ANKS3: variants seen among roughly 807,000 people sequenced by gnomAD.
ANKS3 encodes ankyrin repeat and sterile alpha motif domain containing 3.
In ANKS3, 62 loss-of-function variants were observed where a neutral mutation model predicts 80.7. That is an observed-to-expected ratio of 0.77 (90% CI 0.63 to 0.95). The LOEUF (loss-of-function observed/expected upper bound fraction) is 0.95. Among genes scored for constraint, ANKS3 ranks in the 40% least tolerant of loss-of-function variants. ANKS3 has a pLI of 0.00. For synonymous variants in ANKS3, 489 were observed against 355.3 expected, an observed-to-expected ratio of 1.38 and a Z score of -4.23; for missense variants, 1,150 against 883.6, an observed-to-expected ratio of 1.30 and a Z score of -3.82.
chr16:4,713,818 G>A (rs527504866), intron 7 of ANKS3, among the ~76,000 whole-genome samples: 2 of 152,358 alleles, frequency 1.3e-5, no homozygotes, highest in East Asian at 3.9e-4. Flanking sequence ...GCATACTACA[G>A]AAAGCCTCTA....
intron 6 of ANKS3, among the ~76,000 whole-genome samples, chr16:4,724,409 G>A (rs1402374563): frequency 1.3e-5 from 2 of 152,072 alleles, no homozygotes; most frequent in Non-Finnish European, 2.9e-5. Flanking sequence ...TGGGCATCAG[G>A]GAGGTTGAAA....
rs1039037105 is a variant in ANKS3, at chr16:4,721,914, G to A, written c.573+2836C>T. ...GCCTCTCAAAGTGCTGGGATTACAG[G>A]AGCGAGACAATGCACCTGGCCCCGT... On this transcript the variant is annotated intron_variant, in intron 6 of 17. Transcript: ENST00000304283. Among the ~76,000 whole-genome samples the A allele has an allele frequency of 7.3e-5, 11 of 151,178 alleles. 1 individual carries two copies. The highest frequency in any genetic ancestry group is 6.0e-4 in the Admixed American group (9 of 15,042).
intron 7 of ANKS3, among the ~76,000 whole-genome samples, chr16:4,713,127 C>T (rs1312028724): frequency 1.3e-5 from 2 of 151,918 alleles, no homozygotes; most frequent in Non-Finnish European, 2.9e-5. Context: ...AAAAATTAGC[C>T]GGGCATGGTG....
Position 4,718,828 on chromosome 16 carries a change from C to A in ANKS3, c.574-4642G>T, listed in dbSNP as rs527752626. 2.8e-4 allele frequency among the ~76,000 whole-genome samples: 43 copies of A among 152,264 alleles called. No homozygotes were observed. The South Asian group carries it at 8.5e-3, about 30-fold the overall frequency. On this transcript the variant is annotated intron_variant, in intron 6 of 17. Coordinates refer to ENST00000304283, the MANE Select transcript of ANKS3 (RefSeq NM_133450.4). ...AGAACTCAGTGTTGAGTTCCTGAGT[C>A]TGATAATTTTGTGTGACTGGGAAAG...
At chr16:4,699,237 T>C in intron 11 of ANKS3, 61 bp from the exon 12 acceptor site, 2 of 1,582,116 alleles carry the variant, frequency 1.3e-6, no homozygotes, top group Non-Finnish European at 1.7e-6. Flanking sequence ...AGAGACGTTT[T>C]CCTCCACTCG....
rs745366095 is a variant in ANKS3, at chr16:4,701,122, C to A, written c.1132G>T (p.Ala378Ser). Residue 378 changes from alanine (A) to serine (S), a missense_variant, in exon 11 of 18, where the codon GCC becomes TCC. Ala to Ser is a moderately conservative substitution (Grantham distance 99). Coordinates refer to ENST00000304283, the MANE Select transcript of ANKS3 (RefSeq NM_133450.4). ...TGTTTGCGAGCTGAGCTTTTACAGGCATGATCCGAGTCCTGCAGTGAGAGG... is the reference window on the plus strand; with the variant it reads ...TGTTTGCGAGCTGAGCTTTTACAGGAATGATCCGAGTCCTGCAGTGAGAGG... ...SVESNEDSDH[A>S]CKSSARKQAK... The A allele has an allele frequency of 5.0e-6, 8 of 1,613,836 alleles. No homozygotes were observed. In the African/African-American group the frequency reaches 6.7e-5, roughly 13 times the overall value.
chr16:4,724,002 G>C (rs983240353), intron 6 of ANKS3, among the ~76,000 whole-genome samples: 1 of 152,152 alleles, frequency 6.6e-6, no homozygotes, highest in Non-Finnish European at 1.5e-5. Flanking sequence ...TGAAGCTGCA[G>C]TGAGCCACGA....
intron 1 of ANKS3, among the ~76,000 whole-genome samples, chr16:4,732,046 C>G (rs2081646446): frequency 6.6e-6 from 1 of 152,132 alleles, no homozygotes; most frequent in Non-Finnish European, 1.5e-5. Context: ...CTTCCAAGCC[C>G]CAGGTGACAG....
At chr16:4,733,473 G>A (rs1159887471) in intron 1 of ANKS3, among the ~76,000 whole-genome samples, 1 of 152,000 alleles carries the variant, frequency 6.6e-6, no homozygotes, top group Non-Finnish European at 1.5e-5. Flanking sequence ...CGTATGTTTA[G>A]TAGAGACGAA....
intron 6 of ANKS3, among the ~76,000 whole-genome samples, chr16:4,718,554 T>G (rs764769643): frequency 3.9e-5 from 6 of 152,112 alleles, no homozygotes; most frequent in Non-Finnish European, 8.8e-5. Context: ...ATTCTCTACC[T>G]CCAGAAATGG....
rs1385013605 is a variant in ANKS3, at chr16:4,734,183, C to T, written c.-316G>A. ...GTGCTGGGCCTCAGGCCTTGCGCCG[C>T]CCTCGGGCTGCCGTCGCCAACCCCC... On this transcript the variant is annotated 5_prime_UTR_variant, in exon 1 of 18. Transcript: ENST00000304283. The T allele has an allele frequency of 7.4e-6, 2 of 270,096 alleles. No homozygotes were observed. Among genetic ancestry groups the T allele is most frequent in the Non-Finnish European group, 1.1e-5 (2 of 187,036 alleles). 16.7% of individuals were successfully genotyped at this position (270,096 alleles called of 1,614,324 possible).
intron 6 of ANKS3, among the ~76,000 whole-genome samples, chr16:4,721,303 TCAA>T (rs2081080834): frequency 8.6e-6 from 1 of 116,788 alleles, no homozygotes; most frequent in Non-Finnish European, 1.7e-5. Flanking sequence ...AGACGCCATC[TCAA>T]AAAAAAAAAA....
intron 4 of ANKS3, 47 bp from the exon 5 acceptor site, chr16:4,726,827 T>A (rs564747651): frequency 6.2e-7 from 1 of 1,603,110 alleles, no homozygotes; most frequent in Admixed American, 1.7e-5. Flanking sequence ...CTCCTCTGCG[T>A]GGGGCGGGCG....
chr16:4,697,571 G>A (rs2079636849), intron 15 of ANKS3, among the ~76,000 whole-genome samples, 155 bp from the exon 16 acceptor site: 1 of 152,210 alleles, frequency 6.6e-6, no homozygotes, highest in South Asian at 2.1e-4. Context: ...CCGAGGCAGG[G>A]AAGCCCTGTT....
intron 8 of ANKS3, among the ~76,000 whole-genome samples, chr16:4,704,722 T>C (rs1315158667): frequency 1.3e-5 from 2 of 152,182 alleles, no homozygotes; most frequent in Non-Finnish European, 2.9e-5. Flanking sequence ...ACCCAGCTGG[T>C]ATGGGCAGGG....
At chr16:4,712,710 T>C (rs903272220) in intron 7 of ANKS3, among the ~76,000 whole-genome samples, 5 of 152,142 alleles carry the variant, frequency 3.3e-5, no homozygotes, top group African/African-American at 1.2e-4. Context: ...AGTCAGCCTC[T>C]CATGTAACGT....
chr16:4,725,117 A>G (rs1048615684), intron 5 of ANKS3: 2 of 291,782 alleles, frequency 6.9e-6, no homozygotes, highest in Non-Finnish European at 1.3e-5. Flanking sequence ...TGAAATCTCC[A>G]CCTCAATCAT....
rs556993182 is a variant in ANKS3, at chr16:4,711,984, G to C, written c.709+2067C>G. Among the ~76,000 whole-genome samples, 3 of 152,264 alleles carry C rather than the reference G, an allele frequency of 2.0e-5. No individual in the cohort carries two copies. The East Asian group carries it at 5.8e-4, about 29-fold the overall frequency. ...AGGTAGCACTAATGCTACGTGTATTGTCCTAGAACACAAAAAAGGAAGGAA... is the reference window on the plus strand; with the variant it reads ...AGGTAGCACTAATGCTACGTGTATTCTCCTAGAACACAAAAAAGGAAGGAA... On this transcript the variant is annotated intron_variant, in intron 7 of 17. Transcript: ENST00000304283.
intron 5 of ANKS3, chr16:4,725,138 C>G: frequency 4.1e-6 from 1 of 245,696 alleles, no homozygotes. Context: ...ATTCAAAAAG[C>G]TGTTCTAATT....
Sources: allele counts gnomAD v4.1 joint callset (sites outside exome capture counted in the v4.1 genomes callset), GRCh38; gene constraint gnomAD v4.1.1; transcripts MANE v1.5; gene names NCBI Gene and HGNC (gene_info 2026-07-23, HGNC 2026-07-21).